Variants in PXDNL observed in about 807,000 individuals in gnomAD.
The protein encoded by PXDNL is peroxidasin like.
In PXDNL, 145 loss-of-function variants were observed where a neutral mutation model predicts 150.8. The ratio of observed to expected loss-of-function variants is 0.96; its 90% CI spans 0.84 to 1.10. The LOEUF is 1.10. Among genes scored for constraint, PXDNL ranks in the 50% least tolerant of loss-of-function variants. PXDNL has a pLI of 0.00. For missense variants in PXDNL, 2,087 were observed against 1,873.9 expected, an observed-to-expected ratio of 1.11 and a Z score of -2.10; for synonymous variants, 757 against 725.7, an observed-to-expected ratio of 1.04 and a Z score of -0.69.
At chr8:51,561,976 C>T (rs1459395869) in intron 3 of PXDNL, among the ~76,000 whole-genome samples, 1 of 151,714 alleles carries the variant, frequency 6.6e-6, no homozygotes, top group Non-Finnish European at 1.5e-5. Flanking sequence ...ACATCCAAAA[C>T]ATTGACAGTG....
intron 1 of PXDNL, among the ~76,000 whole-genome samples, chr8:51,739,875 C>CAAA (rs10626496): frequency 0.55 from 72,011 of 131,420 alleles, 22,231 homozygotes; most frequent in Non-Finnish European, 0.68. Context: ...GATTCTGTCT[C>CAAA]AAAAAAAAAA....
chr8:51,476,281 G>A (rs968798655), intron 6 of PXDNL, among the ~76,000 whole-genome samples: 3 of 152,168 alleles, frequency 2.0e-5, no homozygotes, highest in African/African-American at 7.2e-5. Context: ...TGTGATCCAC[G>A]CAGCTCCCCC....
chr8:51,641,095 G>A (rs1260744648), intron 2 of PXDNL, among the ~76,000 whole-genome samples: 1 of 151,826 alleles, frequency 6.6e-6, no homozygotes, highest in Non-Finnish European at 1.5e-5. Context: ...AGAAAAACAA[G>A]CAATGGGGAA....
intron 2 of PXDNL, among the ~76,000 whole-genome samples, chr8:51,637,045 G>T (rs1021309500): frequency 6.6e-6 from 1 of 152,130 alleles, no homozygotes; most frequent in Non-Finnish European, 1.5e-5. Context: ...AACATTCACT[G>T]CTCTGCAGCC....
chr8:51,757,441 T>A (rs778206663), intron 1 of PXDNL, among the ~76,000 whole-genome samples: 6 of 152,356 alleles, frequency 3.9e-5, no homozygotes, highest in Middle Eastern at 3.4e-3. Flanking sequence ...CTGGCCCAGC[T>A]GCCTTTGCTG....
At chr8:51,713,237 C>A (rs1816535751) in intron 1 of PXDNL, among the ~76,000 whole-genome samples, 1 of 152,218 alleles carries the variant, frequency 6.6e-6, no homozygotes, top group Non-Finnish European at 1.5e-5. Flanking sequence ...AAAGGCATAG[C>A]TGCCCTAAGG....
chr8:51,430,887 T>G (rs768679109), intron 12 of PXDNL, among the ~76,000 whole-genome samples: 5 of 152,194 alleles, frequency 3.3e-5, no homozygotes, highest in Non-Finnish European at 7.3e-5. Context: ...AAACTGCCCT[T>G]GTCAATTCAG....
At chr8:51,561,585 C>A (rs1334342157) in intron 3 of PXDNL, among the ~76,000 whole-genome samples, 1 of 151,604 alleles carries the variant, frequency 6.6e-6, no homozygotes, top group Non-Finnish European at 1.5e-5. Flanking sequence ...AATGGATTAA[C>A]ATTGAGGACA....
intron 2 of PXDNL, among the ~76,000 whole-genome samples, chr8:51,644,414 G>GTGTA (rs1814867885): frequency 1.5e-4 from 6 of 40,790 alleles, no homozygotes; most frequent in African/African-American, 3.8e-4. Flanking sequence ...ACATGTGTGT[G>GTGTA]TATATATATA....
intron 1 of PXDNL, among the ~76,000 whole-genome samples, chr8:51,700,501 A>C (rs1279272603): frequency 1.3e-5 from 2 of 151,402 alleles, no homozygotes; most frequent in African/African-American, 2.4e-5. Context: ...ATATATACAC[A>C]CATATAAACA....
At chr8:51,798,417 A>G (rs1050135102) in intron 1 of PXDNL, among the ~76,000 whole-genome samples, 4 of 152,320 alleles carry the variant, frequency 2.6e-5, no homozygotes, top group East Asian at 1.9e-4. Flanking sequence ...ATGGGAAAAA[A>G]TTTTTGCAAT....
chr8:51,380,620 T>C lies in PXDNL; in HGVS notation c.3558-5889A>G, dbSNP rs17178016. ...ATAGAGTATTTGCAAAAAAAAGTAA[T>C]ATGGCAGTTTTATCCTTTCTGATCT... is the stretch of plus-strand genomic sequence containing the variant. On this transcript the variant is annotated intron_variant, in intron 17 of 22. Coordinates refer to ENST00000356297, the MANE Select transcript of PXDNL (RefSeq NM_144651.5). Among the ~76,000 whole-genome samples, 1,082 of 152,342 alleles carry C rather than the reference T, an allele frequency of 7.1e-3. 8 individuals are homozygous for C. The highest frequency in any genetic ancestry group is 0.012 in the Non-Finnish European group (806 of 68,022).
intron 1 of PXDNL, among the ~76,000 whole-genome samples, chr8:51,778,133 G>A (rs982651209): frequency 2.0e-5 from 3 of 152,102 alleles, no homozygotes; most frequent in South Asian, 2.1e-4. Context: ...TCAGGAGATC[G>A]AGACCATCCT....
intron 21 of PXDNL, among the ~76,000 whole-genome samples, chr8:51,333,978 T>C (rs1271699484): frequency 6.6e-6 from 1 of 152,024 alleles, no homozygotes; most frequent in Non-Finnish European, 1.5e-5. Context: ...ACATAACAGA[T>C]ATATACAGAA....
At chr8:51,708,246 T>G (rs1484408753) in intron 1 of PXDNL, among the ~76,000 whole-genome samples, 3 of 152,188 alleles carry the variant, frequency 2.0e-5, no homozygotes, top group African/African-American at 7.2e-5. Context: ...TCACCTGGAA[T>G]GACAGAGAAG....
At chr8:51,342,671 C>A (rs182394329) in intron 20 of PXDNL, among the ~76,000 whole-genome samples, 28 of 152,238 alleles carry the variant, frequency 1.8e-4, no homozygotes, top group African/African-American at 1.4e-4. Context: ...GAGAATCCCA[C>A]GTCAGGTCCA....
At chr8:51,589,644 T>C (rs1027452697) in intron 3 of PXDNL, among the ~76,000 whole-genome samples, 2 of 152,164 alleles carry the variant, frequency 1.3e-5, no homozygotes, top group African/African-American at 4.8e-5. Flanking sequence ...TAGGACTTTA[T>C]GGAATGAAGA....
At chr8:51,474,239 C>T (rs1331404395) in intron 7 of PXDNL, among the ~76,000 whole-genome samples, 2 of 152,124 alleles carry the variant, frequency 1.3e-5, no homozygotes, top group Non-Finnish European at 2.9e-5. Flanking sequence ...TTATCACACA[C>T]ATGCACACAC....
intron 1 of PXDNL, among the ~76,000 whole-genome samples, chr8:51,712,483 A>G (rs1054005994): frequency 2.0e-5 from 3 of 152,218 alleles, no homozygotes; most frequent in African/African-American, 7.2e-5. Flanking sequence ...TGTAAGCCCA[A>G]TGAGGGCAGT....
Sources: gnomAD v4.1 joint callset for allele counts (sites outside exome capture counted in the v4.1 genomes callset) on GRCh38, gnomAD v4.1.1 for gene constraint, MANE v1.5 for transcripts, NCBI Gene and HGNC (gene_info 2026-07-23, HGNC 2026-07-21) for gene names.